Variants in SBF2 observed in about 807,000 individuals in gnomAD.
SBF2 encodes the protein myotubularin-related protein 13.
Under a neutral mutation model 225.2 loss-of-function variants are expected in SBF2, and 112 were observed. The ratio of observed to expected loss-of-function variants is 0.50; its 90% CI spans 0.43 to 0.58. SBF2 has a LOEUF of 0.58. Ranked by LOEUF, SBF2 falls within the 20% of genes least tolerant of loss-of-function variation. The pLI is 0.00. For synonymous variants in SBF2, 763 were observed against 773.3 expected, an observed-to-expected ratio of 0.99 and a Z score of 0.22; for missense variants, 1,996 against 2,206.2, an observed-to-expected ratio of 0.90 and a Z score of 1.91.
At chr11:10,258,081 T>C (rs79746023) in intron 1 of SBF2, among the ~76,000 whole-genome samples, 130 of 138,944 alleles carry the variant, frequency 9.4e-4, no homozygotes, top group African/African-American at 2.2e-3. Flanking sequence ...TACACACACA[T>C]ACACACACAC....
intron 17 of SBF2, among the ~76,000 whole-genome samples, chr11:9,870,730 C>G (rs1858652456): frequency 6.6e-6 from 1 of 152,136 alleles, no homozygotes; most frequent in Non-Finnish European, 1.5e-5. Context: ...AATCCCAGCA[C>G]TTTGGGAGGC....
intron 6 of SBF2, among the ~76,000 whole-genome samples, chr11:10,008,849 C>T (rs549947529): frequency 6.6e-6 from 1 of 152,228 alleles, no homozygotes; most frequent in Non-Finnish European, 1.5e-5. Flanking sequence ...GCAGGTAGGA[C>T]TATAAGTTTT....
chr11:10,043,741 A>T (rs1359212403), intron 2 of SBF2, among the ~76,000 whole-genome samples: 1 of 152,032 alleles, frequency 6.6e-6, no homozygotes, highest in Non-Finnish European at 1.5e-5. Context: ...TATCTGGCTA[A>T]TATTTTTTAT....
At chr11:10,252,578 C>A (rs2135489955) in intron 1 of SBF2, among the ~76,000 whole-genome samples, 1 of 152,254 alleles carries the variant, frequency 6.6e-6, no homozygotes, top group Middle Eastern at 3.4e-3. Context: ...CCAAGGCGGG[C>A]AGATCACGGA....
intron 1 of SBF2, among the ~76,000 whole-genome samples, chr11:10,220,881 C>T (rs1040382985): frequency 2.6e-5 from 4 of 152,072 alleles, no homozygotes; most frequent in African/African-American, 9.7e-5. Context: ...CTCTCTTCTT[C>T]CTAGAAAGCC....
chr11:10,259,812 T>A (rs1565410568), intron 1 of SBF2, among the ~76,000 whole-genome samples: 2 of 152,120 alleles, frequency 1.3e-5, no homozygotes. Flanking sequence ...ATTTTGAGAT[T>A]ATTATATTTG....
At chr11:9,841,836 C>T (rs993296235) in intron 25 of SBF2, among the ~76,000 whole-genome samples, 1 of 152,180 alleles carries the variant, frequency 6.6e-6, no homozygotes, top group African/African-American at 2.4e-5. Context: ...GCCTGGCCCA[C>T]ATAGGTTCTT....
At position 9,885,175 on chromosome 11, in the gene SBF2, C is replaced by T. The variant is rs143307879; in HGVS notation, c.1929+10768G>A. Among the ~76,000 whole-genome samples, 69 of 133,620 alleles carry T rather than the reference C, an allele frequency of 5.2e-4. 1 individual carries two copies. In the East Asian group the frequency reaches 0.015, roughly 29 times the overall value. The allele number at this position is 133,620 out of a possible 152,430, so 87.7% of individuals were successfully genotyped here. ...CTGAGGCAGGAGAATCACTTGAACC[C>T]GGGAGGCGGAGGCTGCAGTGAGCTC... On this transcript the variant is annotated intron_variant, in intron 17 of 39. Coordinates refer to ENST00000256190, the MANE Select transcript of SBF2 (RefSeq NM_030962.4).
chr11:9,841,255 A>T (rs539086995), intron 25 of SBF2, among the ~76,000 whole-genome samples: 3 of 152,200 alleles, frequency 2.0e-5, no homozygotes, highest in Non-Finnish European at 2.9e-5. Flanking sequence ...AGCAAAGAAC[A>T]TTATATAATT....
At position 10,124,378 on chromosome 11, in the gene SBF2, T is replaced by C. The variant is rs141266700; in HGVS notation, c.141+69524A>G. 1.3e-4 allele frequency among the ~76,000 whole-genome samples: 20 copies of C among 152,342 alleles called. 1 individual carries two copies. The highest frequency in any genetic ancestry group is 4.1e-4 in the African/African-American group (17 of 41,570). On this transcript the variant is annotated intron_variant, in intron 2 of 39. Coordinates refer to ENST00000256190, the MANE Select transcript of SBF2 (RefSeq NM_030962.4). ...ACACTGTGAAGTTCCATGTAACTTG[T>C]ACATTTCCGTCCTAGAGAAAGCAGA...
At chr11:10,167,451 C>A (rs867356254) in intron 2 of SBF2, among the ~76,000 whole-genome samples, 4 of 152,186 alleles carry the variant, frequency 2.6e-5, no homozygotes, top group Middle Eastern at 3.4e-3. Context: ...TGCCTATAGG[C>A]CCAACAACTT....
At chr11:10,013,228 C>T (rs549308074) in intron 6 of SBF2, among the ~76,000 whole-genome samples, 13 of 152,308 alleles carry the variant, frequency 8.5e-5, no homozygotes, top group Admixed American at 5.2e-4. Flanking sequence ...ACGTTTTTCT[C>T]CTTTCATCTC....
intron 32 of SBF2, among the ~76,000 whole-genome samples, chr11:9,803,580 C>T (rs1378623068): frequency 1.3e-5 from 2 of 152,084 alleles, no homozygotes. Context: ...GTGTATCTTA[C>T]ATGAGAACCT....
At chr11:9,792,354 C>G (rs1852804328) in intron 33 of SBF2, among the ~76,000 whole-genome samples, 1 of 151,840 alleles carries the variant, frequency 6.6e-6, no homozygotes, top group African/African-American at 2.4e-5. Flanking sequence ...TCACTTGAAC[C>G]CAGGAGGTGG....
At chr11:10,281,379 A>G (rs1207941382) in intron 1 of SBF2, among the ~76,000 whole-genome samples, 2 of 152,202 alleles carry the variant, frequency 1.3e-5, no homozygotes, top group Non-Finnish European at 2.9e-5. Context: ...GCATACCCTC[A>G]TCCTTTAAGA....
chr11:9,983,246 G>A (rs1433730956), intron 13 of SBF2, among the ~76,000 whole-genome samples: 4 of 152,198 alleles, frequency 2.6e-5, no homozygotes, highest in Non-Finnish European at 5.9e-5. Context: ...GGGGGGCACA[G>A]CGGGAGAGAA....
At chr11:10,222,501 T>C (rs1958375500) in intron 1 of SBF2, among the ~76,000 whole-genome samples, 1 of 152,128 alleles carries the variant, frequency 6.6e-6, no homozygotes, top group Admixed American at 6.5e-5. Context: ...AAACATTCAC[T>C]GATGGCTTAA....
At chr11:10,134,714 C>G (rs1171921887) in intron 2 of SBF2, among the ~76,000 whole-genome samples, 1 of 152,214 alleles carries the variant, frequency 6.6e-6, no homozygotes, top group Non-Finnish European at 1.5e-5. Flanking sequence ...ATATCCAGGT[C>G]ACACGGATGC....
intron 1 of SBF2, among the ~76,000 whole-genome samples, chr11:10,272,665 G>C (rs1017658637): frequency 1.1e-3 from 164 of 149,546 alleles, no homozygotes; most frequent in African/African-American, 3.9e-3. Context: ...CCAGCTACTT[G>C]GAAGGCTGAG....
Sources: allele counts gnomAD v4.1 joint callset (sites outside exome capture counted in the v4.1 genomes callset), GRCh38; gene constraint gnomAD v4.1.1; transcripts MANE v1.5; gene names NCBI Gene and HGNC (gene_info 2026-07-23, HGNC 2026-07-21).